PDGFB: variants seen among roughly 807,000 people sequenced by gnomAD.
PDGFB encodes platelet derived growth factor subunit B, also known as platelet-derived growth factor subunit B.
In PDGFB, 6 loss-of-function variants were observed where a neutral mutation model predicts 29.0. The observed-to-expected ratio is 0.21, with a 90% CI of 0.11 to 0.41. The LOEUF (loss-of-function observed/expected upper bound fraction) is 0.41, where lower values mean the gene tolerates loss of function less well. Ranked by LOEUF, PDGFB falls within the 10% of genes least tolerant of loss-of-function variation. The probability of loss-of-function intolerance (pLI) is 1.00; values close to 1 mark genes in which losing one functional copy is unlikely to be tolerated. For missense variants in PDGFB, 299 were observed against 341.8 expected (o/e 0.87, Z 0.99); for synonymous variants, 144 against 140.8 (o/e 1.02, Z -0.16).
rs986897609 is a variant in PDGFB at position 39,227,374 on chromosome 22, G to A, written c.602-1527C>T. Among the ~76,000 whole-genome samples the A allele has an allele frequency of 3.3e-5, 5 of 152,332 alleles. No individual in the cohort carries two copies. In the South Asian group the frequency reaches 8.3e-4, roughly 25 times the overall value. Reference sequence around the variant, plus strand: ...CTCCCAAAGTGCTGGGATTACAGGCGTGAGCCACCACGCCCAGCCGATTTC... The same window carrying A: ...CTCCCAAAGTGCTGGGATTACAGGCATGAGCCACCACGCCCAGCCGATTTC... On this transcript the variant is annotated intron_variant, in intron 5 of 6. Coordinates refer to ENST00000331163, the MANE Select transcript of PDGFB (RefSeq NM_002608.4).
intron 3 of PDGFB, 34 bp downstream of exon 3, chr22:39,233,401 T>C (rs184802298): frequency 1.9e-4 from 291 of 1,527,730 alleles, no homozygotes; most frequent in Non-Finnish European, 2.5e-4. Flanking sequence ...CCCATGCTAA[T>C]TTGAAGGACC....
At chr22:39,228,307 G>A (rs1267953443) in intron 5 of PDGFB, among the ~76,000 whole-genome samples, 2 of 152,228 alleles carry the variant, frequency 1.3e-5, no homozygotes, top group African/African-American at 4.8e-5. Flanking sequence ...CATAAAGAAG[G>A]CCAGGCGTGG....
chr22:39,233,466 C>T lies in PDGFB; in HGVS notation c.219G>A (p.Leu73=). 6.3e-7 allele frequency: 1 copy of T among 1,594,444 alleles called. No homozygotes were observed. The highest frequency in any genetic ancestry group is 8.5e-7 in the Non-Finnish European group (1 of 1,171,408). The stretch of plus-strand genomic sequence containing the variant: ...TCCTTCTTCCACGAGCCAAGCTCTC[C>T]AGCTCGCCTCCAGAGTGGGAGCGGG... ...NMTRSHSGGE[L]ESLARGRRSL... is the part of the protein sequence containing the mutation. Residue 73 remains leucine (L), a synonymous_variant, in exon 3 of 7, where the codon CTG becomes CTA. Coordinates refer to ENST00000331163, the MANE Select transcript of PDGFB (RefSeq NM_002608.4).
chr22:39,244,436 C>T lies in PDGFB; in HGVS notation c.-473G>A, dbSNP rs909506411. ...GAAAGGCCCCCAAAATCGGAAAGCG[C>T]GGAGCTGGGCACCTCAAGGCCCAAG... On this transcript the variant is annotated 5_prime_UTR_variant, in exon 1 of 7. Coordinates refer to ENST00000331163, the MANE Select transcript of PDGFB (RefSeq NM_002608.4). The surrounding 1 kb of genome is among the most constrained non-coding windows in gnomAD (Gnocchi z 4.5). The T allele has an allele frequency of 1.6e-5, 3 of 182,700 alleles. No homozygotes were observed. In the Admixed American group the frequency reaches 1.9e-4, roughly 11 times the overall value. 11.3% of individuals were successfully genotyped at this position (182,700 alleles called of 1,614,324 possible). A position where few individuals can be genotyped will look rare whatever the true frequency, so the allele number is the denominator to read the frequency against.
At chr22:39,236,742 A>C (rs1196237699) in intron 1 of PDGFB, among the ~76,000 whole-genome samples, 1 of 152,222 alleles carries the variant, frequency 6.6e-6, no homozygotes, top group East Asian at 1.9e-4. Context: ...CCCAAGAAAG[A>C]GGCGAGGGCA....
intron 1 of PDGFB, among the ~76,000 whole-genome samples, chr22:39,238,079 G>A (rs938133085): frequency 1.3e-5 from 2 of 152,176 alleles, no homozygotes; most frequent in African/African-American, 4.8e-5. Context: ...TGCCAGCCAC[G>A]GCAGAGGAGG....
rs949643141 is a variant in PDGFB at position 39,223,842 on chromosome 22, A to C, written c.*1500T>G. The C allele has an allele frequency of 6.6e-6, 1 of 152,530 alleles. No individual in the cohort carries two copies. The highest frequency in any genetic ancestry group is 1.5e-5 in the Non-Finnish European group (1 of 68,044). 9.4% of individuals were successfully genotyped at this position (152,530 alleles called of 1,614,324 possible). ...TGGAAGGCGGGAAGGGGGAAAGTGCAGTAGGTGGGAAGGGAGGTGGGAGCT... is the reference window on the plus strand; with the variant it reads ...TGGAAGGCGGGAAGGGGGAAAGTGCCGTAGGTGGGAAGGGAGGTGGGAGCT... On this transcript the variant is annotated 3_prime_UTR_variant, in exon 7 of 7. Coordinates refer to ENST00000331163, the MANE Select transcript of PDGFB (RefSeq NM_002608.4).
At position 39,244,749 on chromosome 22, in the gene PDGFB, T is replaced by G. The variant is rs906432863; in HGVS notation, c.-786A>C. On this transcript the variant is annotated 5_prime_UTR_variant, in exon 1 of 7. Coordinates refer to ENST00000331163, the MANE Select transcript of PDGFB (RefSeq NM_002608.4). The surrounding 1 kb of genome is among the most constrained non-coding windows in gnomAD (Gnocchi z 4.5). ...GGGCTGCGGGCTGCGAGCTGCGAGCTGCGAGCTGCGGCTGCTCCGGTTTTC... is the reference window on the plus strand; with the variant it reads ...GGGCTGCGGGCTGCGAGCTGCGAGCGGCGAGCTGCGGCTGCTCCGGTTTTC... 1 of 188,666 alleles carries G rather than the reference T, an allele frequency of 5.3e-6. No individual in the cohort carries two copies. Among genetic ancestry groups the G allele is most frequent in the South Asian group, 1.9e-4 (1 of 5,170 alleles). The allele number at this position is 188,666 out of a possible 1,614,324, so 11.7% of individuals were successfully genotyped here.
At chr22:39,225,616 C>G in intron 6 of PDGFB, 79 bp downstream of exon 6, 1 of 1,361,330 alleles carries the variant, frequency 7.3e-7, no homozygotes, top group Non-Finnish European at 9.9e-7. Context: ...TGGAAAAATC[C>G]TTTCCCCTGA....
chr22:39,228,893 A>AAAAAAATATATATATATAT (rs1184799325), intron 5 of PDGFB, among the ~76,000 whole-genome samples: 5 of 132,514 alleles, frequency 3.8e-5, no homozygotes, highest in Admixed American at 7.6e-5. Flanking sequence ...CCTCAAAAAA[A>AAAAAAATATATATATATAT]ATATATATAT....
chr22:39,227,186 T>C (rs1295083389), intron 5 of PDGFB, among the ~76,000 whole-genome samples: 2 of 152,046 alleles, frequency 1.3e-5, no homozygotes, highest in African/African-American at 4.8e-5. Context: ...CTTGAACTCC[T>C]GACCTCAAGT....
intron 5 of PDGFB, among the ~76,000 whole-genome samples, chr22:39,226,785 G>C (rs147356003): frequency 6.6e-6 from 1 of 152,128 alleles, no homozygotes; most frequent in Admixed American, 6.5e-5. Context: ...CTGGGCCTTC[G>C]GGTCAGTTGT....
intron 1 of PDGFB, among the ~76,000 whole-genome samples, chr22:39,238,526 A>G (rs73884884): frequency 0.037 from 5,617 of 152,206 alleles, 319 homozygotes; most frequent in African/African-American, 0.13. Context: ...TAAACTACCA[A>G]TCCTAAGAGG....
chr22:39,225,978 G>T, intron 5 of PDGFB, 131 bp from the exon 6 acceptor site: 7 of 1,054,102 alleles, frequency 6.6e-6, no homozygotes. Context: ...CAGGGTCCTG[G>T]GTTTGGATCC....
chr22:39,243,986 C>G lies in PDGFB; in HGVS notation c.-23G>C. On this transcript the variant is annotated 5_prime_UTR_variant, in exon 1 of 7. Coordinates refer to ENST00000331163, the MANE Select transcript of PDGFB (RefSeq NM_002608.4). This position sits in a 1 kb window ranked among gnomAD's most constrained non-coding sequence, Gnocchi z 6.4. ...CATGCCGACTCCGGGCCCGGCCCCG[C>G]GGGGCCCCGGACGCGTAGATCGAGC... The G allele has an allele frequency of 7.6e-7, 1 of 1,312,176 alleles. No individual in the cohort carries two copies. The highest frequency in any genetic ancestry group is 1.0e-6 in the Non-Finnish European group (1 of 995,558). The allele number at this position is 1,312,176 out of a possible 1,614,324, so 81.3% of individuals were successfully genotyped here.
At position 39,243,790 on chromosome 22, in the gene PDGFB, C is replaced by G; in HGVS notation, c.63+111G>C. 1 of 800,940 alleles carries G rather than the reference C, an allele frequency of 1.2e-6. No homozygotes were observed. The allele number at this position is 800,940 out of a possible 1,614,324, so 49.6% of individuals were successfully genotyped here. A position where few individuals can be genotyped will look rare whatever the true frequency, so the allele number is the denominator to read the frequency against. On this transcript the variant is annotated intron_variant, in intron 1 of 6. Coordinates refer to ENST00000331163, the MANE Select transcript of PDGFB (RefSeq NM_002608.4). This position sits in a 1 kb window ranked among gnomAD's most constrained non-coding sequence, Gnocchi z 6.4. ...AGGTCACCCAGCGCCCGGCGTCAGGCTCGCGGGCTGCAAGGGTCCAAAGTT... is the reference window on the plus strand; with the variant it reads ...AGGTCACCCAGCGCCCGGCGTCAGGGTCGCGGGCTGCAAGGGTCCAAAGTT...
Position 39,244,648 on chromosome 22 carries a change from C to A in PDGFB, c.-685G>T, listed in dbSNP as rs1601604766. ...CGTGCCCGCTGCGCGCTCGGCTGGG[C>A]CCGGCCGACAGGTGGACGCGGCGCG... On this transcript the variant is annotated 5_prime_UTR_variant, in exon 1 of 7. Transcript: ENST00000331163. This position sits in a 1 kb window ranked among gnomAD's most constrained non-coding sequence, Gnocchi z 4.5. The A allele has an allele frequency of 1.2e-5, 2 of 162,784 alleles. No homozygotes were observed. Among genetic ancestry groups the A allele is most frequent in the South Asian group, 4.0e-4 (2 of 4,952 alleles). The allele number at this position is 162,784 out of a possible 1,614,324, so 10.1% of individuals were successfully genotyped here.
In PDGFB at chr22:39,242,380, C is replaced by G. The variant is rs1366982686; in HGVS notation, c.63+1521G>C. The G allele has an allele frequency of 4.9e-6, 1 of 205,960 alleles. No individual in the cohort carries two copies. Among genetic ancestry groups the G allele is most frequent in the African/African-American group, 2.3e-5 (1 of 43,778 alleles). 12.8% of individuals were successfully genotyped at this position (205,960 alleles called of 1,614,324 possible). A position where few individuals can be genotyped will look rare whatever the true frequency, so the allele number is the denominator to read the frequency against. On this transcript the variant is annotated intron_variant, in intron 1 of 6. Transcript: ENST00000331163. The surrounding 1 kb of genome is among the most constrained non-coding windows in gnomAD (Gnocchi z 5.7). The stretch of plus-strand genomic sequence containing the variant: ...CCGCCGTTCCCAGGACGCCCTGGCA[C>G]CGGGCCCAGCCCCCAGGTCCCACGG...
chr22:39,231,483 A>C lies in PDGFB; in HGVS notation c.456+139T>G. The C allele has an allele frequency of 1.4e-6, 1 of 696,754 alleles. No individual in the cohort carries two copies. Among genetic ancestry groups the C allele is most frequent in the Non-Finnish European group, 2.3e-6 (1 of 425,624 alleles). 43.2% of individuals were successfully genotyped at this position (696,754 alleles called of 1,614,324 possible). ...TTCCCAAGAGTGGGCCTCTCTGGAC[A>C]GAGCCCAGGAACAAATCAGGAATGT... On this transcript the variant is annotated intron_variant, in intron 4 of 6. Transcript: ENST00000331163. This position sits in a 1 kb window ranked among gnomAD's most constrained non-coding sequence, Gnocchi z 4.3.
Sources: gnomAD v4.1 joint callset for allele counts (sites outside exome capture counted in the v4.1 genomes callset) on GRCh38, gnomAD v4.1.1 for gene constraint, Gnocchi (gnomAD v3.1) non-coding constraint, MANE v1.5 for transcripts, NCBI Gene and HGNC (gene_info 2026-07-23, HGNC 2026-07-21) for gene names.